TBC1D4: variants seen among roughly 807,000 people sequenced by gnomAD.
TBC1D4 encodes the protein TBC (Tre-2, BUB2, CDC16) domain-containing protein.
A neutral mutation model predicts 142.5 loss-of-function variants in TBC1D4; 121 were observed. That is an observed-to-expected ratio of 0.85 (90% CI 0.73 to 0.99). The LOEUF is 0.99. Ranked by LOEUF, TBC1D4 falls within the 50% of genes least tolerant of loss-of-function variation. TBC1D4 has a pLI of 0.00. For missense variants in TBC1D4, 1,475 were observed against 1,606.6 expected (o/e 0.92, Z 1.40); for synonymous variants, 630 against 628.2 (o/e 1.00, Z -0.04).
chr13:75,320,488 G>C (rs748599758), intron 11 of TBC1D4, among the ~76,000 whole-genome samples: 1 of 151,968 alleles, frequency 6.6e-6, no homozygotes, highest in Non-Finnish European at 1.5e-5. Flanking sequence ...ACTAAACAAT[G>C]AAATAACATT....
chr13:75,459,077 C>T (rs78743984), intron 1 of TBC1D4, among the ~76,000 whole-genome samples: 1,535 of 152,290 alleles, frequency 0.01, 14 homozygotes, highest in Non-Finnish European at 0.016. Context: ...TACCAGCTCA[C>T]TCGTTGGCAC....
intron 1 of TBC1D4, among the ~76,000 whole-genome samples, chr13:75,386,392 CTT>C (rs765348786): frequency 1.8e-5 from 2 of 111,526 alleles, no homozygotes; most frequent in Non-Finnish European, 1.8e-5. Flanking sequence ...TTTTCTTTTT[CTT>C]TTTTTTTTTT....
chr13:75,333,328 T>C (rs9593064), intron 8 of TBC1D4, among the ~76,000 whole-genome samples: 1,549 of 152,288 alleles, frequency 0.01, 21 homozygotes, highest in African/African-American at 0.033. Flanking sequence ...GACTGTACAA[T>C]GGCAGTACTT....
intron 1 of TBC1D4, among the ~76,000 whole-genome samples, chr13:75,386,308 T>C (rs1884162250): frequency 6.6e-6 from 1 of 152,188 alleles, no homozygotes; most frequent in Admixed American, 6.5e-5. Context: ...ACTTTTTACC[T>C]GGCTTCACAG....
At position 75,361,910 on chromosome 13, in the gene TBC1D4, CAAAT is replaced by C. The variant is rs750083341; in HGVS notation, c.1080+112_1080+115del. ...GCCTTATCTGCTTTGAAGGGGAAAACAAATAAAAGTTAGATTATTCGTTATATAG... is the reference window on the plus strand; with the variant it reads ...GCCTTATCTGCTTTGAAGGGGAAAACAAAAGTTAGATTATTCGTTATATAG... On this transcript the variant is annotated intron_variant, in intron 2 of 20. Transcript: ENST00000377636. The C allele has an allele frequency of 1.1e-3, 1,368 of 1,294,212 alleles. 19 individuals are homozygous for C. The highest frequency in any genetic ancestry group is 2.2e-4 in the Non-Finnish European group (202 of 916,712). 80.2% of individuals were successfully genotyped at this position (1,294,212 alleles called of 1,614,324 possible). A position where few individuals can be genotyped will look rare whatever the true frequency, so the allele number is the denominator to read the frequency against.
At chr13:75,455,023 C>G (rs1887673733) in intron 1 of TBC1D4, among the ~76,000 whole-genome samples, 1 of 152,164 alleles carries the variant, frequency 6.6e-6, no homozygotes, top group South Asian at 2.1e-4. Context: ...ACTCTTTCAT[C>G]TGCTTCTGAT....
chr13:75,425,295 C>T (rs1006233282), intron 1 of TBC1D4, among the ~76,000 whole-genome samples: 1 of 152,040 alleles, frequency 6.6e-6, no homozygotes, highest in Non-Finnish European at 1.5e-5. Flanking sequence ...CGCCTCACAC[C>T]TGTTGGAATG....
Position 75,418,539 on chromosome 13 carries a change from G to A in TBC1D4, c.499-55932C>T, listed in dbSNP as rs140222163. Among the ~76,000 whole-genome samples the A allele has an allele frequency of 4.1e-3, 627 of 152,276 alleles. 9 individuals are homozygous for A. The highest frequency in any genetic ancestry group is 0.015 in the African/African-American group (610 of 41,568). ...GCTATTAGGCCAAAGCTTCTTGTTA[G>A]TTACTCTGAGAGGTCCCCTTAAGTT... On this transcript the variant is annotated intron_variant, in intron 1 of 20. Coordinates refer to ENST00000377636, the MANE Select transcript of TBC1D4 (RefSeq NM_014832.5).
chr13:75,434,082 C>T (rs1886693254), intron 1 of TBC1D4, among the ~76,000 whole-genome samples: 1 of 152,098 alleles, frequency 6.6e-6, no homozygotes, highest in African/African-American at 2.4e-5. Context: ...CTGGCTTAAC[C>T]ATCGTGGAAA....
chr13:75,454,093 C>G (rs1440996083), intron 1 of TBC1D4, among the ~76,000 whole-genome samples: 1 of 151,038 alleles, frequency 6.6e-6, no homozygotes, highest in Non-Finnish European at 1.5e-5. Context: ...ATGATCATGG[C>G]TCACTGCAGC....
At chr13:75,359,392 G>C (rs1882318584) in intron 3 of TBC1D4, among the ~76,000 whole-genome samples, 1 of 152,184 alleles carries the variant, frequency 6.6e-6, no homozygotes, top group African/African-American at 2.4e-5. Flanking sequence ...ACGGTATAAA[G>C]AGCAAGCATG....
chr13:75,399,068 G>A (rs575635723), intron 1 of TBC1D4, among the ~76,000 whole-genome samples: 14 of 152,282 alleles, frequency 9.2e-5, no homozygotes, highest in Middle Eastern at 3.4e-3. Context: ...TTAGGCGGGC[G>A]CGGTGGCTCA....
At chr13:75,336,806 GTTTTT>G in intron 8 of TBC1D4, 110 bp downstream of exon 8, 1 of 1,193,682 alleles carries the variant, frequency 8.4e-7, no homozygotes, top group Non-Finnish European at 1.2e-6. Flanking sequence ...GTTATCTTAG[GTTTTT>G]TTTTTGTTTG....
intron 19 of TBC1D4, among the ~76,000 whole-genome samples, chr13:75,291,270 T>C (rs868041645): frequency 6.6e-6 from 1 of 152,024 alleles, no homozygotes; most frequent in African/African-American, 2.4e-5. Context: ...AGAAAAGGGT[T>C]GGGTATTTCT....
chr13:75,444,508 A>C (rs576770784), intron 1 of TBC1D4, among the ~76,000 whole-genome samples: 5 of 152,336 alleles, frequency 3.3e-5, no homozygotes, highest in South Asian at 2.1e-4. Flanking sequence ...TGGAAAAAAC[A>C]AGGTGATCAA....
intron 8 of TBC1D4, among the ~76,000 whole-genome samples, chr13:75,334,662 C>A (rs1274232460): frequency 1.3e-5 from 2 of 152,084 alleles, no homozygotes; most frequent in Admixed American, 6.5e-5. Flanking sequence ...CAGCTCACTG[C>A]AACCCCTGCC....
intron 17 of TBC1D4, among the ~76,000 whole-genome samples, chr13:75,295,594 G>A (rs1026075757): frequency 6.6e-6 from 1 of 152,070 alleles, no homozygotes; most frequent in Non-Finnish European, 1.5e-5. Flanking sequence ...CATGACAAAC[G>A]TGATTAAGGC....
chr13:75,359,885 T>C lies in TBC1D4; in HGVS notation c.1081-27A>G, dbSNP rs199649935. The C allele has an allele frequency of 1.9e-6, 3 of 1,562,592 alleles. No homozygotes were observed. The Admixed American group carries it at 5.0e-5, about 26-fold the overall frequency. On this transcript the variant is annotated intron_variant, in intron 2 of 20. Transcript: ENST00000377636. ...TTAAAAATAAAAGCATTCCAATTAA[T>C]TTCAATTCATAAGGATCTAACATCT...
chr13:75,474,021 A>G (rs752086222), intron 1 of TBC1D4, among the ~76,000 whole-genome samples: 19 of 152,334 alleles, frequency 1.2e-4, no homozygotes, highest in Non-Finnish European at 2.4e-4. Context: ...TCAAAGGTAC[A>G]CCAGAGTTCA....
Sources: allele counts gnomAD v4.1 joint callset (sites outside exome capture counted in the v4.1 genomes callset), GRCh38; gene constraint gnomAD v4.1.1; transcripts MANE v1.5; gene names NCBI Gene and HGNC (gene_info 2026-07-23, HGNC 2026-07-21).